BMPR1A: variants seen among roughly 807,000 people sequenced by gnomAD.
BMPR1A encodes bone morphogenetic protein receptor type 1A, also known as bone morphogenetic protein receptor type-1A.
In BMPR1A, 7 loss-of-function variants were observed where a neutral mutation model predicts 66.0. The ratio of observed to expected loss-of-function variants is 0.11; its 90% CI spans 0.06 to 0.20. The LOEUF is 0.20. Ranked by LOEUF, BMPR1A falls within the 10% of genes least tolerant of loss-of-function variation. The probability of loss-of-function intolerance (pLI) is 1.00; values close to 1 mark genes in which losing one functional copy is unlikely to be tolerated. For synonymous variants in BMPR1A, 200 were observed against 229.7 expected (o/e 0.87, Z 1.17); for missense variants, 408 against 669.1 (o/e 0.61, Z 4.31).
intron 5 of BMPR1A, among the ~76,000 whole-genome samples, chr10:86,897,439 G>T (rs984699195): frequency 6.6e-6 from 1 of 152,154 alleles, no homozygotes; most frequent in Non-Finnish European, 1.5e-5. Flanking sequence ...TCTTAGTGAA[G>T]CCACAATGGG....
rs1166905366 is a variant in BMPR1A, at chr10:86,925,955, C to G, written c.*2236C>G. On this transcript the variant is annotated 3_prime_UTR_variant, in exon 13 of 13. Transcript: ENST00000372037. ...TGTTAGCCAGGATGGTCTCAATCTC[C>G]TGACCTCATGATCCACCTGCCTCGG... 1 of 167,830 alleles carries G rather than the reference C, an allele frequency of 6.0e-6. No individual in the cohort carries two copies. The highest frequency in any genetic ancestry group is 1.3e-5 in the Non-Finnish European group (1 of 77,188). The allele number at this position is 167,830 out of a possible 1,614,324, so 10.4% of individuals were successfully genotyped here.
At chr10:86,772,244 C>G (rs1413747122) in intron 1 of BMPR1A, among the ~76,000 whole-genome samples, 1 of 151,188 alleles carries the variant, frequency 6.6e-6, no homozygotes, top group African/African-American at 2.4e-5. Flanking sequence ...CATTCTCCTG[C>G]CTCAGCCTCC....
intron 1 of BMPR1A, among the ~76,000 whole-genome samples, chr10:86,780,971 G>A (rs147178103): frequency 0.014 from 2,083 of 152,224 alleles, 43 homozygotes; most frequent in African/African-American, 0.048. Flanking sequence ...CCACAGTGCT[G>A]GGATTACAGG....
At chr10:86,847,705 TTATG>T (rs1379567618) in intron 2 of BMPR1A, among the ~76,000 whole-genome samples, 2 of 151,752 alleles carry the variant, frequency 1.3e-5, no homozygotes, top group Non-Finnish European at 1.5e-5. Context: ...TGTATAAAGA[TTATG>T]TAAGCAGCCT....
intron 2 of BMPR1A, among the ~76,000 whole-genome samples, chr10:86,875,234 G>A (rs1589756683): frequency 6.6e-6 from 1 of 152,046 alleles, no homozygotes; most frequent in East Asian, 2.0e-4. Flanking sequence ...TTAGCCGAGT[G>A]TGGTGGTGCA....
At chr10:86,800,424 C>T (rs538079097) in intron 1 of BMPR1A, among the ~76,000 whole-genome samples, 3 of 152,220 alleles carry the variant, frequency 2.0e-5, no homozygotes, top group East Asian at 1.9e-4. Flanking sequence ...GACGGAGTTT[C>T]GCTCTTGTTG....
chr10:86,891,993 C>A (rs78693667), intron 4 of BMPR1A, 134 bp from the exon 5 acceptor site: 2 of 708,910 alleles, frequency 2.8e-6, no homozygotes, highest in East Asian at 2.8e-5. Flanking sequence ...CAATAAATCA[C>A]GTGTGAATGC....
chr10:86,905,424 T>C (rs891474967), intron 7 of BMPR1A, among the ~76,000 whole-genome samples: 5 of 152,246 alleles, frequency 3.3e-5, no homozygotes, highest in Non-Finnish European at 5.9e-5. Context: ...TACTTACTCA[T>C]GCATATTTGC....
chr10:86,810,789 A>G (rs566414338), intron 1 of BMPR1A, among the ~76,000 whole-genome samples: 2 of 152,310 alleles, frequency 1.3e-5, no homozygotes, highest in East Asian at 1.9e-4. Flanking sequence ...GGTTCTTTAT[A>G]TATTCCAGAT....
intron 1 of BMPR1A, among the ~76,000 whole-genome samples, chr10:86,817,851 C>T (rs1397041401): frequency 1.3e-5 from 2 of 152,170 alleles, no homozygotes; most frequent in Non-Finnish European, 1.5e-5. Context: ...GAACCCTTTC[C>T]AACTCATTCT....
intron 1 of BMPR1A, among the ~76,000 whole-genome samples, chr10:86,819,198 A>G (rs1393221153): frequency 6.6e-6 from 1 of 152,178 alleles, no homozygotes; most frequent in East Asian, 1.9e-4. Flanking sequence ...TATTTTTTAA[A>G]GCCACTTACA....
chr10:86,844,926 G>A (rs1842464843), intron 2 of BMPR1A, among the ~76,000 whole-genome samples: 1 of 152,134 alleles, frequency 6.6e-6, no homozygotes, highest in African/African-American at 2.4e-5. Flanking sequence ...ACAGGCACCC[G>A]CCACCACGCT....
chr10:86,805,718 C>A lies in BMPR1A; in HGVS notation c.-267-33147C>A, dbSNP rs192876527. Among the ~76,000 whole-genome samples the A allele has an allele frequency of 2.3e-3, 356 of 152,216 alleles. 2 individuals carry two copies. In the Middle Eastern group the frequency reaches 0.024, roughly 10 times the overall value. On this transcript the variant is annotated intron_variant, in intron 1 of 12. Transcript: ENST00000372037. The stretch of plus-strand genomic sequence containing the variant: ...CCTCATGATCCACCTGCCTCGGCCT[C>A]CCAAAATGCTGGGATTACAGGTATG...
At chr10:86,819,440 A>C (rs1842087070) in intron 1 of BMPR1A, among the ~76,000 whole-genome samples, 1 of 152,060 alleles carries the variant, frequency 6.6e-6, no homozygotes, top group Non-Finnish European at 1.5e-5. Context: ...CCTCCTGAGT[A>C]CAGGCACGCG....
chr10:86,877,850 G>C (rs142680765), intron 3 of BMPR1A, among the ~76,000 whole-genome samples: 1 of 152,064 alleles, frequency 6.6e-6, no homozygotes, highest in African/African-American at 2.4e-5. Flanking sequence ...TAGATCACAC[G>C]TAGGCAATAT....
chr10:86,805,652 G>A (rs11202195), intron 1 of BMPR1A, among the ~76,000 whole-genome samples: 35,596 of 151,574 alleles, frequency 0.23, 5,295 homozygotes, highest in East Asian at 0.67. Context: ...TAGTAGAGAC[G>A]GGGTTTTGCC....
chr10:86,912,174 A>C (rs1843499552), intron 7 of BMPR1A, 66 bp from the exon 8 acceptor site: 2 of 1,558,816 alleles, frequency 1.3e-6, no homozygotes, highest in South Asian at 2.3e-5. Context: ...AGAGAACCTC[A>C]AGGTTTTTCT....
intron 2 of BMPR1A, chr10:86,856,016 A>G: frequency 1.6e-6 from 1 of 621,784 alleles, no homozygotes; most frequent in Non-Finnish European, 3.1e-6. Flanking sequence ...GATGCCTCTC[A>G]CCGTACTGGA....
intron 1 of BMPR1A, among the ~76,000 whole-genome samples, chr10:86,790,591 A>G (rs1032221440): frequency 2.6e-5 from 4 of 152,194 alleles, no homozygotes; most frequent in African/African-American, 9.7e-5. Context: ...TGTCTAGGCA[A>G]TGGAATATTA....
Sources: allele counts gnomAD v4.1 joint callset (sites outside exome capture counted in the v4.1 genomes callset), GRCh38; gene constraint gnomAD v4.1.1; transcripts MANE v1.5; gene names NCBI Gene and HGNC (gene_info 2026-07-23, HGNC 2026-07-21).